Variants in ZNF385D observed in about 807,000 individuals in gnomAD.
ZNF385D encodes zinc finger protein 385D, also known as zinc finger protein 659.
ZNF385D carries 15 observed loss-of-function variants against 35.8 expected under a neutral mutation model. That is an observed-to-expected ratio of 0.42 (90% CI 0.28 to 0.64). ZNF385D has a LOEUF of 0.64. Among genes scored for constraint, ZNF385D ranks in the 30% least tolerant of loss-of-function variants. ZNF385D has a pLI of 0.23. For synonymous variants in ZNF385D, 212 were observed against 186.8 expected (o/e 1.13, Z -1.10); for missense variants, 474 against 494.6 (o/e 0.96, Z 0.39).
chr3:22,338,248 T>C (rs1179519943), intron 2 of ZNF385D, among the ~76,000 whole-genome samples: 1 of 152,208 alleles, frequency 6.6e-6, no homozygotes, highest in African/African-American at 2.4e-5. Flanking sequence ...ATGTACAGTA[T>C]AAAACTTGAT....
chr3:21,457,510 C>A (rs970097007), intron 4 of ZNF385D, among the ~76,000 whole-genome samples: 1 of 152,044 alleles, frequency 6.6e-6, no homozygotes. Context: ...GGCATGCCAC[C>A]ATGCCTAGCT....
intron 2 of ZNF385D, among the ~76,000 whole-genome samples, chr3:22,199,997 A>T (rs1696674235): frequency 6.6e-6 from 1 of 152,098 alleles, no homozygotes; most frequent in South Asian, 2.1e-4. Context: ...AAAACTATAA[A>T]ATAGGCACTA....
At chr3:21,865,587 T>C (rs1421160819) in intron 3 of ZNF385D, among the ~76,000 whole-genome samples, 1 of 152,146 alleles carries the variant, frequency 6.6e-6, no homozygotes, top group Admixed American at 6.6e-5. Flanking sequence ...CAAAGCGTCA[T>C]ACATTGTATC....
At chr3:22,061,233 G>A (rs1407820986) in intron 3 of ZNF385D, among the ~76,000 whole-genome samples, 1 of 152,160 alleles carries the variant, frequency 6.6e-6, no homozygotes, top group Non-Finnish European at 1.5e-5. Context: ...TGAGCATAAA[G>A]TATGAAGAAA....
chr3:21,937,712 G>A (rs1400309430), intron 3 of ZNF385D, among the ~76,000 whole-genome samples: 1 of 151,910 alleles, frequency 6.6e-6, no homozygotes. Flanking sequence ...AGCTTGATGT[G>A]AACAAGAAAA....
At chr3:21,447,648 C>T (rs965289808) in intron 4 of ZNF385D, among the ~76,000 whole-genome samples, 6 of 152,074 alleles carry the variant, frequency 3.9e-5, no homozygotes, top group Admixed American at 2.0e-4. Flanking sequence ...CGATATCTAA[C>T]GGTTGGAATT....
At chr3:22,262,659 A>G (rs921480376) in intron 2 of ZNF385D, among the ~76,000 whole-genome samples, 5 of 151,868 alleles carry the variant, frequency 3.3e-5, no homozygotes, top group Non-Finnish European at 7.4e-5. Flanking sequence ...TTTTAGCAAA[A>G]ATATTGGTTC....
chr3:22,110,814 G>A lies in ZNF385D; in HGVS notation c.325+58003C>T, dbSNP rs543605853. 4.8e-4 allele frequency among the ~76,000 whole-genome samples: 73 copies of A among 151,706 alleles called. 1 individual carries two copies. The highest frequency in any genetic ancestry group is 8.0e-4 in the Non-Finnish European group (54 of 67,920). On this transcript the variant is annotated intron_variant, in intron 3 of 5. Transcript: ENST00000494108. ...AAAAAAAAAAAGAAAAAAATGTCAA[G>A]GAAACTATAAGTACAGTGTGATGTG...
At chr3:21,795,797 C>T (rs1277475279) in intron 3 of ZNF385D, among the ~76,000 whole-genome samples, 1 of 152,196 alleles carries the variant, frequency 6.6e-6, no homozygotes, top group Non-Finnish European at 1.5e-5. Context: ...ATTATAGGCA[C>T]TCAGTATGAC....
chr3:22,077,557 G>C (rs2125575760), intron 3 of ZNF385D, among the ~76,000 whole-genome samples: 1 of 152,010 alleles, frequency 6.6e-6, no homozygotes, highest in Non-Finnish European at 1.5e-5. Context: ...CTAAGGGTGA[G>C]GTTCTGTATC....
Position 22,322,386 on chromosome 3 carries a change from T to A in ZNF385D, c.106+50064A>T, listed in dbSNP as rs114804174. On this transcript the variant is annotated intron_variant, in intron 2 of 5. Coordinates refer to the ZNF385D transcript ENST00000494108. ...TAGTAATATTCTATTGTAATATTTT[T>A]CCTTCTGACCTCCAGATACTATTTC... Among the ~76,000 whole-genome samples the A allele has an allele frequency of 8.8e-3, 1,333 of 152,068 alleles. 16 individuals carry two copies. The highest frequency in any genetic ancestry group is 0.03 in the African/African-American group (1,239 of 41,576).
intron 3 of ZNF385D, among the ~76,000 whole-genome samples, chr3:21,844,234 G>A (rs1337390262): frequency 1.3e-5 from 2 of 151,868 alleles, no homozygotes; most frequent in African/African-American, 2.4e-5. Context: ...AGAGAGGAGG[G>A]TTTTTGTTAT....
chr3:21,531,995 G>A lies in ZNF385D; in HGVS notation c.277-20972C>T, dbSNP rs375854001. On this transcript the variant is annotated intron_variant, in intron 3 of 7. Coordinates refer to ENST00000281523, the MANE Select transcript of ZNF385D (RefSeq NM_024697.3). ...AAAGCTACACAGATCTGGGCACAAG[G>A]TAAATGGGAAATCTCTGTACCTTCT... Among the ~76,000 whole-genome samples, 296 of 152,246 alleles carry A rather than the reference G, an allele frequency of 1.9e-3. 3 individuals carry two copies. The highest frequency in any genetic ancestry group is 2.4e-3 in the Non-Finnish European group (160 of 68,010).
chr3:21,678,422 CCTCACAGCTATTCTT>C (rs893114266), intron 1 of ZNF385D, among the ~76,000 whole-genome samples: 1 of 152,060 alleles, frequency 6.6e-6, no homozygotes, highest in African/African-American at 2.4e-5. Context: ...TATACAACTC[CCTCACAGCTATTCTT>C]CTTTATTGAT....
chr3:22,103,251 A>G (rs1160726672), intron 3 of ZNF385D, among the ~76,000 whole-genome samples: 2 of 151,168 alleles, frequency 1.3e-5, no homozygotes, highest in Admixed American at 6.6e-5. Flanking sequence ...CTTCCCTGAT[A>G]AACTGTGAGT....
chr3:21,438,092 C>A (rs1459802817), intron 4 of ZNF385D, among the ~76,000 whole-genome samples: 1 of 152,066 alleles, frequency 6.6e-6, no homozygotes, highest in Non-Finnish European at 1.5e-5. Flanking sequence ...GTAAAACTAC[C>A]CTGTCTTAAC....
At chr3:21,885,292 ATAAAC>A (rs1225741842) in intron 3 of ZNF385D, among the ~76,000 whole-genome samples, 8 of 152,186 alleles carry the variant, frequency 5.3e-5, no homozygotes, top group African/African-American at 1.9e-4. Context: ...ACTTGCTAAC[ATAAAC>A]TAAAATATCA....
chr3:21,444,010 C>T (rs938370744), intron 4 of ZNF385D, among the ~76,000 whole-genome samples: 1 of 151,330 alleles, frequency 6.6e-6, no homozygotes, highest in Admixed American at 6.6e-5. Flanking sequence ...TTAGACCATA[C>T]GTTATTCTAA....
intron 2 of ZNF385D, among the ~76,000 whole-genome samples, chr3:22,297,199 C>A (rs1702632712): frequency 6.6e-6 from 1 of 152,096 alleles, no homozygotes. Flanking sequence ...GTCTCAAGCT[C>A]CCAGACTGTG....
Sources: gnomAD v4.1 joint callset for allele counts (sites outside exome capture counted in the v4.1 genomes callset) on GRCh38, gnomAD v4.1.1 for gene constraint, MANE v1.5 for transcripts, NCBI Gene and HGNC (gene_info 2026-07-23, HGNC 2026-07-21) for gene names.